Variants in GLB1 observed in about 807,000 individuals in gnomAD.
GLB1 encodes beta-galactosidase.
GLB1 carries 56 observed loss-of-function variants against 74.0 expected under a neutral mutation model. The observed-to-expected ratio is 0.76, with a 90% CI of 0.61 to 0.94. The LOEUF (loss-of-function observed/expected upper bound fraction) is 0.94, where lower values mean the gene tolerates loss of function less well. GLB1 is among the 40% of genes least tolerant of loss of function. GLB1 has a pLI of 0.00. For synonymous variants in GLB1, 323 were observed against 323.6 expected (o/e 1.00, Z 0.02); for missense variants, 787 against 845.5 (o/e 0.93, Z 0.86).
chr3:33,006,698 C>T (rs1231236291), intron 15 of GLB1, among the ~76,000 whole-genome samples: 2 of 152,166 alleles, frequency 1.3e-5, no homozygotes, highest in South Asian at 2.1e-4. Context: ...AAGCCACATC[C>T]GACTCAAGTA....
rs1439949945 is a variant in GLB1 at position 33,065,350 on chromosome 3, C to T, written c.552+113G>A. ...CTAAAAGCACTATCTGTGGCATTAC[C>T]TCTTAAAGAAACAGACCTATGAGGC... On this transcript the variant is annotated intron_variant, in intron 5 of 15. Coordinates refer to ENST00000307363, the MANE Select transcript of GLB1 (RefSeq NM_000404.4). 4 of 1,384,582 alleles carry T rather than the reference C, an allele frequency of 2.9e-6. No individual in the cohort carries two copies. The East Asian group carries it at 7.5e-5, about 26-fold the overall frequency. 85.8% of individuals were successfully genotyped at this position (1,384,582 alleles called of 1,614,324 possible). A position where few individuals can be genotyped will look rare whatever the true frequency, so the allele number is the denominator to read the frequency against.
intron 10 of GLB1, among the ~76,000 whole-genome samples, chr3:33,025,825 C>T (rs965100834): frequency 1.3e-5 from 2 of 152,170 alleles, no homozygotes; most frequent in African/African-American, 2.4e-5. Context: ...CTGACTGTGC[C>T]GTCCCCAGCC....
chr3:33,016,954 C>T, intron 13 of GLB1, 114 bp from the exon 14 acceptor site: 2 of 1,508,640 alleles, frequency 1.3e-6, no homozygotes, highest in East Asian at 2.3e-5. Context: ...TGTCACCAGA[C>T]TTGGAAAGAA....
chr3:33,021,276 T>G (rs1697465750), intron 12 of GLB1: 1 of 452,448 alleles, frequency 2.2e-6, no homozygotes, highest in Non-Finnish European at 4.1e-6. Context: ...AAAGATTAAT[T>G]AGATTGGTCA....
At chr3:33,000,708 T>TA (rs1427161348) in intron 15 of GLB1, among the ~76,000 whole-genome samples, 1 of 152,018 alleles carries the variant, frequency 6.6e-6, no homozygotes, top group Non-Finnish European at 1.5e-5. Flanking sequence ...GCCTGGGTGA[T>TA]AGAGCAAGAC....
At chr3:33,017,708 A>C (rs1697291423) in intron 13 of GLB1, among the ~76,000 whole-genome samples, 1 of 152,214 alleles carries the variant, frequency 6.6e-6, no homozygotes, top group Admixed American at 6.5e-5. Flanking sequence ...CCTTCAGAAT[A>C]TAATTTCTCA....
intron 1 of GLB1, among the ~76,000 whole-genome samples, chr3:33,076,595 G>A (rs1559413985): frequency 6.6e-6 from 1 of 152,196 alleles, no homozygotes; most frequent in Non-Finnish European, 1.5e-5. Flanking sequence ...GTGAGGCACA[G>A]GCGCGAACCT....
chr3:33,088,768 C>T (rs1700633812), intron 1 of GLB1, among the ~76,000 whole-genome samples: 1 of 152,066 alleles, frequency 6.6e-6, no homozygotes, highest in African/African-American at 2.4e-5. Context: ...GCATTTCTTG[C>T]AGAAATAGAA....
chr3:32,988,398 G>C, the GLB1 span, among the ~76,000 whole-genome samples: 1 of 152,148 alleles, frequency 6.6e-6, no homozygotes, highest in Non-Finnish European at 1.5e-5. Flanking sequence ...GGGACTGAAA[G>C]TTCAGTTCAC....
chr3:32,991,933 A>G (rs1206652415), downstream of GLB1, among the ~76,000 whole-genome samples: 1 of 152,270 alleles, frequency 6.6e-6, no homozygotes, highest in Non-Finnish European at 1.5e-5. Context: ...AAGCAGACTT[A>G]CTGGTTTATT....
chr3:33,053,657 T>G, intron 6 of GLB1, 108 bp from the exon 7 acceptor site: 1 of 1,435,576 alleles, frequency 7.0e-7, no homozygotes, highest in East Asian at 2.4e-5. Flanking sequence ...ACGGTCAGAA[T>G]GTTAGTATCC....
chr3:33,041,316 A>G (rs1698489406), intron 10 of GLB1, among the ~76,000 whole-genome samples: 1 of 152,226 alleles, frequency 6.6e-6, no homozygotes, highest in African/African-American at 2.4e-5. Context: ...CTCAGCAGCA[A>G]CAATAAAAGC....
chr3:33,072,005 C>T (rs998521426), intron 2 of GLB1, among the ~76,000 whole-genome samples: 1 of 152,210 alleles, frequency 6.6e-6, no homozygotes, highest in Admixed American at 6.5e-5. Flanking sequence ...TTCCTTGGGT[C>T]TTCTTTTCTG....
At chr3:33,029,282 T>A (rs1488630901) in intron 10 of GLB1, among the ~76,000 whole-genome samples, 1 of 152,248 alleles carries the variant, frequency 6.6e-6, no homozygotes, top group East Asian at 1.9e-4. Context: ...CTTCTCATAC[T>A]TAACCGGACA....
At chr3:33,000,028 G>A (rs1339887733) in intron 15 of GLB1, among the ~76,000 whole-genome samples, 2 of 151,498 alleles carry the variant, frequency 1.3e-5, no homozygotes, top group East Asian at 1.9e-4. Flanking sequence ...GCACCATCAC[G>A]ACTCACTGTA....
intron 12 of GLB1, among the ~76,000 whole-genome samples, chr3:33,019,131 C>G (rs906400695): frequency 6.6e-6 from 1 of 151,570 alleles, no homozygotes; most frequent in Non-Finnish European, 1.5e-5. Flanking sequence ...CATAGCAAGA[C>G]CTCATCTCTA....
At chr3:32,969,329 A>G in the GLB1 span, among the ~76,000 whole-genome samples, 6 of 152,186 alleles carry the variant, frequency 3.9e-5, no homozygotes, top group Non-Finnish European at 7.4e-5. Flanking sequence ...GCCACTTTGC[A>G]TGTTCATGAG....
rs1422352848 is a variant in GLB1, at chr3:33,072,616, GAGT to G, written c.170_172del (p.Tyr57del). ...CTTCCAGTAGAAGCGGGGCACACGG[GAGT>G]AGTGAATGCTTCCTGAGATGTAGCG... On this transcript the variant is annotated inframe_deletion, in exon 2 of 16. Transcript: ENST00000307363. 6 of 1,614,018 alleles carry G rather than the reference GAGT, an allele frequency of 3.7e-6. No homozygotes were observed. The highest frequency in any genetic ancestry group is 5.1e-6 in the Non-Finnish European group (6 of 1,180,048).
chr3:33,079,903 C>A (rs1050339603), intron 1 of GLB1, among the ~76,000 whole-genome samples: 1 of 152,020 alleles, frequency 6.6e-6, no homozygotes, highest in African/African-American at 2.4e-5. Context: ...CACCTCTGTT[C>A]CCAAGTAGAT....
Sources: allele counts gnomAD v4.1 joint callset (sites outside exome capture counted in the v4.1 genomes callset), GRCh38; gene constraint gnomAD v4.1.1; transcripts MANE v1.5; gene names NCBI Gene and HGNC (gene_info 2026-07-23, HGNC 2026-07-21).